The following MAST4 variants were observed in gnomAD, a reference collection of about 807,000 sequenced individuals.
MAST4 encodes microtubule associated serine/threonine kinase family member 4.
MAST4 carries 89 observed loss-of-function variants against 162.7 expected under a neutral mutation model. That is an observed-to-expected ratio of 0.55 (90% confidence interval 0.46 to 0.65). The LOEUF is 0.65. Among genes scored for constraint, MAST4 ranks in the 30% least tolerant of loss-of-function variants. The probability of loss-of-function intolerance (pLI) is 0.00; values close to 1 mark genes in which losing one functional copy is unlikely to be tolerated. For missense variants in MAST4, 3,153 were observed against 3,374.0 expected, an observed-to-expected ratio of 0.93 and a Z score of 1.62; for synonymous variants, 1,479 against 1,361.1, an observed-to-expected ratio of 1.09 and a Z score of -1.91.
chr5:66,830,963 G>A (rs1757557533), intron 3 of MAST4, among the ~76,000 whole-genome samples: 1 of 152,150 alleles, frequency 6.6e-6, no homozygotes, highest in South Asian at 2.1e-4. Context: ...ATCCTGTGTT[G>A]TGAGGTAATC....
intron 1 of MAST4, among the ~76,000 whole-genome samples, chr5:66,663,945 G>A (rs989696152): frequency 1.3e-5 from 2 of 152,118 alleles, no homozygotes; most frequent in African/African-American, 4.8e-5. Flanking sequence ...GTTTGGGCCA[G>A]GGTGGTGGTG....
At chr5:66,887,937 G>A (rs182717997) in intron 3 of MAST4, among the ~76,000 whole-genome samples, 5 of 152,114 alleles carry the variant, frequency 3.3e-5, no homozygotes, top group East Asian at 3.9e-4. Context: ...GGCTGGGCGC[G>A]GTGGCTCACG....
intron 1 of MAST4, among the ~76,000 whole-genome samples, chr5:66,730,977 G>A (rs1284381704): frequency 2.0e-5 from 3 of 152,112 alleles, no homozygotes; most frequent in African/African-American, 7.2e-5. Context: ...AATAGAAATA[G>A]ATATCAAGTC....
chr5:66,616,649 G>C (rs1382719543), intron 1 of MAST4, among the ~76,000 whole-genome samples: 1 of 152,156 alleles, frequency 6.6e-6, no homozygotes, highest in Non-Finnish European at 1.5e-5. Context: ...AAGCAGCCAG[G>C]GTTTTGCTTT....
At position 67,163,014 on chromosome 5, in the gene MAST4, T is replaced by G; in HGVS notation, c.3968-133T>G. 8.7e-7 allele frequency: 1 copy of G among 1,148,672 alleles called. No individual in the cohort carries two copies. Among genetic ancestry groups the G allele is most frequent in the East Asian group, 2.4e-5 (1 of 42,272 alleles). The allele number at this position is 1,148,672 out of a possible 1,614,324, so 71.2% of individuals were successfully genotyped here. ...CTGGAGAGGTTTATCTGAAAAGTGT[T>G]TATTCCACTAGCTAAATGCTGAGAC... On this transcript the variant is annotated intron_variant, in intron 28 of 28. Coordinates refer to ENST00000403625, the MANE Select transcript of MAST4 (RefSeq NM_001164664.2). This position sits in a 1 kb window ranked among gnomAD's most constrained non-coding sequence, Gnocchi z 7.0.
intron 3 of MAST4, among the ~76,000 whole-genome samples, chr5:66,854,951 G>A (rs145291003): frequency 1.3e-3 from 197 of 152,244 alleles, no homozygotes; most frequent in African/African-American, 4.4e-3. Flanking sequence ...AAGTGTGTGC[G>A]AATTCTGCCT....
At chr5:67,070,906 G>A (rs1760884037) in intron 5 of MAST4, among the ~76,000 whole-genome samples, 2 of 152,148 alleles carry the variant, frequency 1.3e-5, no homozygotes, top group African/African-American at 4.8e-5. Flanking sequence ...CCACAAAGAA[G>A]CCGCATTTTG....
At chr5:66,666,851 G>C (rs559304708) in intron 1 of MAST4, among the ~76,000 whole-genome samples, 1 of 152,328 alleles carries the variant, frequency 6.6e-6, no homozygotes. Context: ...AGCTAGTAAA[G>C]GGGCCAGGTG....
At chr5:66,671,279 C>T (rs1440283915) in intron 1 of MAST4, among the ~76,000 whole-genome samples, 1 of 152,118 alleles carries the variant, frequency 6.6e-6, no homozygotes, top group Non-Finnish European at 1.5e-5. Context: ...ATGGAGACCT[C>T]GTCTTCCCAT....
chr5:66,876,785 G>T (rs1308699592), intron 3 of MAST4, among the ~76,000 whole-genome samples: 1 of 152,194 alleles, frequency 6.6e-6, no homozygotes, highest in African/African-American at 2.4e-5. Context: ...ATGACAGAAA[G>T]TCAGAGGTTT....
rs59209171 is a variant in MAST4 at position 67,077,876 on chromosome 5, G to T, written c.764-12286G>T. On this transcript the variant is annotated intron_variant, in intron 5 of 28. Transcript: ENST00000403625. ...GCACTTTGGGAGGCCGAGATGGGTG[G>T]ATCACCTGAGGTCAGGAGTTTGAGA... is the stretch of plus-strand genomic sequence containing the variant. Among the ~76,000 whole-genome samples, 501 of 152,248 alleles carry T rather than the reference G, an allele frequency of 3.3e-3. 3 individuals carry two copies. Among genetic ancestry groups the T allele is most frequent in the African/African-American group, 0.012 (484 of 41,538 alleles).
At chr5:67,115,190 T>C (rs1448986255) in intron 12 of MAST4, 1 of 152,322 alleles carries the variant, frequency 6.6e-6, no homozygotes, top group East Asian at 1.9e-4. Context: ...AACCTGTTCC[T>C]GTTCATGATT....
intron 4 of MAST4, among the ~76,000 whole-genome samples, chr5:66,965,210 T>C (rs923694209): frequency 2.0e-5 from 3 of 150,108 alleles, no homozygotes; most frequent in African/African-American, 7.3e-5. Context: ...AAGAGTAGTT[T>C]TTTTTTTTTT....
chr5:66,725,508 C>T (rs368200844), intron 1 of MAST4, among the ~76,000 whole-genome samples: 194 of 152,150 alleles, frequency 1.3e-3, no homozygotes, highest in African/African-American at 4.5e-3. Context: ...TACTAAAAGC[C>T]CTGTCCTTTG....
chr5:67,088,977 A>G (rs2150782268), intron 5 of MAST4, among the ~76,000 whole-genome samples: 1 of 152,342 alleles, frequency 6.6e-6, no homozygotes, highest in Admixed American at 6.5e-5. Flanking sequence ...CTTTCTGCAC[A>G]CTGGTAATAA....
intron 3 of MAST4, among the ~76,000 whole-genome samples, chr5:66,808,038 C>T (rs889996400): frequency 2.6e-5 from 4 of 152,352 alleles, no homozygotes; most frequent in African/African-American, 7.2e-5. Context: ...TCTTCTATTA[C>T]TACATGTGTT....
rs550652001 is a variant in MAST4, at chr5:66,717,261, G to A, written c.364-42448G>A. Among the ~76,000 whole-genome samples the A allele has an allele frequency of 6.6e-5, 10 of 152,302 alleles. No individual in the cohort carries two copies. The South Asian group carries it at 1.9e-3, about 28-fold the overall frequency. On this transcript the variant is annotated intron_variant, in intron 1 of 28. Coordinates refer to ENST00000403625, the MANE Select transcript of MAST4 (RefSeq NM_001164664.2). ...TTCCTGGCAAAAATGCTGCTATTAA[G>A]ATAGAAAGAGAGCCATCATTCTTGA...
At chr5:66,717,141 G>T (rs970286363) in intron 1 of MAST4, among the ~76,000 whole-genome samples, 5 of 152,136 alleles carry the variant, frequency 3.3e-5, no homozygotes, top group Non-Finnish European at 5.9e-5. Flanking sequence ...GAGCCCTGGA[G>T]GATGGAGACC....
At position 67,163,498 on chromosome 5, in the gene MAST4, T is replaced by C. The variant is rs1164126178; in HGVS notation, c.4319T>C (p.Leu1440Pro). The C allele has an allele frequency of 1.9e-6, 3 of 1,612,822 alleles. No homozygotes were observed. Among genetic ancestry groups the C allele is most frequent in the Non-Finnish European group, 1.7e-6 (2 of 1,179,560 alleles). ...PKSAEPPRSPLLKRVQSEEKL... is the reference protein window; with the variant it reads ...PKSAEPPRSPPLKRVQSEEKL... ...AGTGCGGAGCCCCCCAGGTCCCCGC[T>C]GCTCAAGCGCGTGCAGTCCGAGGAG... The change falls in exon 29 of 29, where the codon CTG becomes CCG. Residue 1440 changes from leucine to proline, a missense_variant. Leu to Pro is a moderately conservative substitution (Grantham distance 98). Around this residue, in one of 7 missense-constraint regions of MAST4, gnomAD observed 619 missense variants for 744.2 expected, o/e 0.83. Transcript: ENST00000403625. This position sits in a 1 kb window ranked among gnomAD's most constrained non-coding sequence, Gnocchi z 7.0.
Sources: allele counts gnomAD v4.1 joint callset (sites outside exome capture counted in the v4.1 genomes callset), GRCh38; gene constraint gnomAD v4.1.1; regional missense constraint gnomAD v4.1.1; non-coding constraint Gnocchi (gnomAD v3.1); transcripts MANE v1.5; gene names NCBI Gene and HGNC (gene_info 2026-07-23, HGNC 2026-07-21).